Variants in STK39 observed in about 807,000 individuals in gnomAD.
STK39 encodes serine/threonine kinase 39, also known as STE20/SPS1-related proline-alanine-rich protein kinase.
Under a neutral mutation model 77.8 loss-of-function variants are expected in STK39, and 20 were observed. That is an observed-to-expected ratio of 0.26 (90% CI 0.18 to 0.37). The LOEUF (loss-of-function observed/expected upper bound fraction) is 0.37, where lower values mean the gene tolerates loss of function less well. STK39 is among the 10% of genes least tolerant of loss of function. The pLI is 1.00. For synonymous variants in STK39, 246 were observed against 234.1 expected (o/e 1.05, Z -0.47); for missense variants, 479 against 656.5 (o/e 0.73, Z 2.95).
At chr2:168,055,890 G>A (rs901412015) in intron 14 of STK39, among the ~76,000 whole-genome samples, 1 of 152,066 alleles carries the variant, frequency 6.6e-6, no homozygotes, top group African/African-American at 2.4e-5. Flanking sequence ...TAAATTACAA[G>A]GTGGCCCACT....
chr2:168,168,119 C>A (rs4667561), intron 2 of STK39, among the ~76,000 whole-genome samples: 1,868 of 152,176 alleles, frequency 0.012, 19 homozygotes, highest in South Asian at 0.026. Context: ...ATAGTTTAAT[C>A]CATATTAACA....
intron 16 of STK39, among the ~76,000 whole-genome samples, chr2:167,978,586 T>C (rs1683339297): frequency 6.6e-6 from 1 of 152,194 alleles, no homozygotes; most frequent in Admixed American, 6.5e-5. Context: ...GTAAGCAGCT[T>C]AGGGATGAGG....
chr2:168,046,580 G>A (rs1685247795), intron 14 of STK39, among the ~76,000 whole-genome samples: 1 of 152,142 alleles, frequency 6.6e-6, no homozygotes. Context: ...ACCTCCCTAG[G>A]TGAAAGGAAG....
intron 10 of STK39, among the ~76,000 whole-genome samples, chr2:168,103,973 T>C (rs1470930718): frequency 1.3e-5 from 2 of 152,204 alleles, no homozygotes; most frequent in South Asian, 4.1e-4. Context: ...GGTTGAACTA[T>C]GGTATGTGCA....
chr2:168,213,130 A>T, intron 1 of STK39, among the ~76,000 whole-genome samples: 1 of 152,368 alleles, frequency 6.6e-6, no homozygotes, highest in Middle Eastern at 3.4e-3. Context: ...AGAAGAGATA[A>T]GGAAACCCAT....
intron 16 of STK39, among the ~76,000 whole-genome samples, chr2:167,984,680 CAT>C (rs766299582): frequency 6.6e-6 from 1 of 151,942 alleles, no homozygotes; most frequent in Non-Finnish European, 1.5e-5. Flanking sequence ...GGGAGGAAAA[CAT>C]AAAATTTTGG....
At chr2:167,964,869 T>C (rs1692103701) in intron 16 of STK39, 143 bp from the exon 17 acceptor site, 4 of 653,652 alleles carry the variant, frequency 6.1e-6, no homozygotes, top group Non-Finnish European at 1.0e-5. Context: ...TCCATATAAA[T>C]GACCAAATTA....
intron 16 of STK39, among the ~76,000 whole-genome samples, chr2:167,970,598 C>A (rs1692307410): frequency 6.6e-6 from 1 of 152,232 alleles, no homozygotes; most frequent in Non-Finnish European, 1.5e-5. Context: ...AAGCAATAAT[C>A]CTATTCGTTT....
At chr2:168,224,109 T>A (rs557808497) in intron 1 of STK39, among the ~76,000 whole-genome samples, 2 of 152,236 alleles carry the variant, frequency 1.3e-5, no homozygotes, top group Non-Finnish European at 2.9e-5. Context: ...TATATAATCA[T>A]ATTCACATAA....
chr2:168,114,435 A>G (rs141038545), intron 10 of STK39, among the ~76,000 whole-genome samples: 1 of 152,328 alleles, frequency 6.6e-6, no homozygotes, highest in East Asian at 1.9e-4. Context: ...GCATTTTTAG[A>G]ATCTCTGTTA....
intron 1 of STK39, among the ~76,000 whole-genome samples, chr2:168,225,360 T>C (rs1342684922): frequency 6.6e-6 from 1 of 151,718 alleles, no homozygotes; most frequent in Non-Finnish European, 1.5e-5. Context: ...ATGGAGAAGA[T>C]ACTGCTGATA....
At chr2:168,149,849 C>T (rs1289455988) in intron 5 of STK39, among the ~76,000 whole-genome samples, 1 of 152,206 alleles carries the variant, frequency 6.6e-6, no homozygotes, top group Non-Finnish European at 1.5e-5. Flanking sequence ...GAATCTAATT[C>T]GCTTTTTTGC....
At chr2:167,989,470 C>T (rs1436261888) in intron 16 of STK39, among the ~76,000 whole-genome samples, 2 of 152,004 alleles carry the variant, frequency 1.3e-5, no homozygotes, top group Admixed American at 6.6e-5. Flanking sequence ...TATGCAAGAA[C>T]AAGATAAATG....
chr2:168,044,030 T>C (rs975645789), intron 14 of STK39, among the ~76,000 whole-genome samples: 9 of 152,250 alleles, frequency 5.9e-5, no homozygotes, highest in Non-Finnish European at 1.0e-4. Context: ...AAAATAATTA[T>C]TATTCCTTTC....
intron 14 of STK39, among the ~76,000 whole-genome samples, chr2:168,056,925 T>C (rs993097292): frequency 1.5e-4 from 23 of 152,114 alleles, no homozygotes; most frequent in African/African-American, 5.3e-4. Context: ...AAATGGGGAA[T>C]GGGTATGAAC....
chr2:168,203,624 G>A (rs1427998711), intron 1 of STK39, among the ~76,000 whole-genome samples: 1 of 152,112 alleles, frequency 6.6e-6, no homozygotes, highest in Non-Finnish European at 1.5e-5. Flanking sequence ...ACGGAGTCTC[G>A]CTCTGTCACC....
chr2:168,140,482 A>T (rs755062179), intron 6 of STK39, 92 bp from the exon 7 acceptor site: 2 of 1,262,630 alleles, frequency 1.6e-6, no homozygotes, highest in South Asian at 1.2e-5. Flanking sequence ...ACAGCTGTTG[A>T]TGTATAACTT....
intron 10 of STK39, among the ~76,000 whole-genome samples, chr2:168,120,017 GA>G (rs895115637): frequency 1.3e-5 from 2 of 152,164 alleles, no homozygotes; most frequent in South Asian, 2.1e-4. Context: ...CAGAAGCATG[GA>G]AAACTAGGAG....
chr2:168,032,037 A>T (rs1574407298), intron 14 of STK39, among the ~76,000 whole-genome samples: 1 of 152,228 alleles, frequency 6.6e-6, no homozygotes, highest in Non-Finnish European at 1.5e-5. Context: ...TGGCATAGAT[A>T]CCAGCCACCC....
Sources: gnomAD v4.1 joint callset for allele counts (sites outside exome capture counted in the v4.1 genomes callset) on GRCh38, gnomAD v4.1.1 for gene constraint, MANE v1.5 for transcripts, NCBI Gene and HGNC (gene_info 2026-07-23, HGNC 2026-07-21) for gene names.